PRODH2: variants seen among roughly 807,000 people sequenced by gnomAD.
The protein encoded by PRODH2 is proline dehydrogenase 2, also known as hydroxyproline dehydrogenase.
PRODH2 carries 49 observed loss-of-function variants against 51.9 expected under a neutral mutation model. That is an observed-to-expected ratio of 0.94 (90% CI 0.75 to 1.20). The LOEUF is 1.20. Ranked by LOEUF, PRODH2 falls within the 50% of genes most tolerant of loss-of-function variation. PRODH2 has a pLI of 0.00. For missense variants in PRODH2, 597 were observed against 610.9 expected, an observed-to-expected ratio of 0.98 and a Z score of 0.24; for synonymous variants, 249 against 260.7, an observed-to-expected ratio of 0.96 and a Z score of 0.43.
intron 7 of PRODH2, among the ~76,000 whole-genome samples, chr19:35,804,921 G>A (rs1236853847): frequency 6.6e-6 from 1 of 152,202 alleles, no homozygotes; most frequent in Non-Finnish European, 1.5e-5. Context: ...GGGCGACAGA[G>A]TGAGACCCTG....
intron 4 of PRODH2, among the ~76,000 whole-genome samples, chr19:35,811,290 C>A (rs1380101456): frequency 6.6e-6 from 1 of 151,596 alleles, no homozygotes; most frequent in Non-Finnish European, 1.5e-5. Flanking sequence ...TGGTGGCTCA[C>A]ACCTATAATC....
intron 7 of PRODH2, among the ~76,000 whole-genome samples, chr19:35,805,680 G>A (rs937368771): frequency 6.6e-5 from 10 of 152,228 alleles, no homozygotes; most frequent in African/African-American, 1.9e-4. Flanking sequence ...AAGTAGTTGG[G>A]ATGACAGGTG....
At chr19:35,801,829 C>T in intron 9 of PRODH2, 1 of 250,718 alleles carries the variant, frequency 4.0e-6, no homozygotes, top group Non-Finnish European at 7.9e-6. Context: ...TATGTATTTG[C>T]AGCTCAAATT....
At position 35,800,076 on chromosome 19, in the gene PRODH2, G is replaced by A. The variant is rs376496955; in HGVS notation, c.1345C>T (p.Arg449Trp). The A allele has an allele frequency of 2.8e-5, 45 of 1,612,016 alleles. No homozygotes were observed. The highest frequency in any genetic ancestry group is 6.7e-5 in the East Asian group (3 of 44,862). The part of the protein sequence containing the change: ...EQELLSQELW[R>W]RLLPGCRRIP... The stretch of plus-strand genomic sequence containing the variant: ...CTTCGGCATCCTGGCAGCAGCCGCC[G>A]CCACAGTTCTTGGCTGAGCAGCTCC... Residue 449 changes from arginine to tryptophan, a missense_variant, in exon 10 of 10, where the codon CGG (arginine) becomes TGG (tryptophan). Coordinates refer to ENST00000653904, the MANE Select transcript of PRODH2 (RefSeq NM_021232.2).
chr19:35,804,773 C>CA (rs1555755357), intron 7 of PRODH2, among the ~76,000 whole-genome samples: 1 of 151,996 alleles, frequency 6.6e-6, no homozygotes, highest in African/African-American at 2.4e-5. Context: ...CCCGTGTCTA[C>CA]AAAAATAAAA....
At chr19:35,800,703 T>C (rs930631326) in intron 9 of PRODH2, among the ~76,000 whole-genome samples, 5 of 150,606 alleles carry the variant, frequency 3.3e-5, no homozygotes, top group African/African-American at 9.8e-5. Flanking sequence ...ACTTTTTTTT[T>C]TCTCTCTTAG....
intron 6 of PRODH2, 33 bp downstream of exon 6, chr19:35,806,642 C>T (rs1972516312): frequency 6.2e-7 from 1 of 1,613,852 alleles, no homozygotes; most frequent in Non-Finnish European, 8.5e-7. Flanking sequence ...GTGTGGGGAC[C>T]CCAGCCTGTA....
At chr19:35,805,290 G>A (rs1972494391) in intron 7 of PRODH2, among the ~76,000 whole-genome samples, 2 of 152,016 alleles carry the variant, frequency 1.3e-5, no homozygotes, top group East Asian at 3.9e-4. Context: ...ATTTTGAGAT[G>A]GAGTCTCACT....
chr19:35,809,566 G>A (rs1177521129), intron 4 of PRODH2, among the ~76,000 whole-genome samples: 2 of 152,004 alleles, frequency 1.3e-5, no homozygotes, highest in Admixed American at 6.6e-5. Flanking sequence ...CTCCCTACAG[G>A]AATAAACTAA....
rs1972482917 is a variant in PRODH2 at position 35,804,653 on chromosome 19, G to C, written c.1002-1575C>G. On this transcript the variant is annotated intron_variant, in intron 7 of 9. Coordinates refer to ENST00000653904, the MANE Select transcript of PRODH2 (RefSeq NM_021232.2). ...TAGTCTGCCTTTAAAATGCACAGTT[G>C]TGGCTGGACATGCTGGCTTACGCCT... Among the ~76,000 whole-genome samples, 6 of 152,336 alleles carry C rather than the reference G, an allele frequency of 3.9e-5. 1 individual carries two copies. In the South Asian group the frequency reaches 1.2e-3, roughly 32 times the overall value.
intron 4 of PRODH2, among the ~76,000 whole-genome samples, chr19:35,811,457 A>AGGG (rs1599824707): frequency 4.4e-4 from 41 of 93,200 alleles, no homozygotes; most frequent in South Asian, 8.3e-4. Flanking sequence ...GGAAGGAAGG[A>AGGG]AGGGAGGGAG....
intron 4 of PRODH2, among the ~76,000 whole-genome samples, chr19:35,810,042 C>T (rs1276782678): frequency 2.2e-5 from 3 of 133,586 alleles, no homozygotes; most frequent in South Asian, 2.5e-4. Flanking sequence ...CTGAGGCGGG[C>T]GTTTCACCTG....
rs773546169 is a variant in PRODH2 at position 35,800,054 on chromosome 19, C to T, written c.1367G>A (p.Arg456Gln). The change falls in exon 10 of 10, where the codon CGA becomes CAA. Residue 456 changes from arginine to glutamine, a missense_variant. Transcript: ENST00000653904. ...TCAGGGGTGCTAGTGGGGTATCCTT[C>T]GGCATCCTGGCAGCAGCCGCCGCCA... ...ELWRRLLPGC[R>Q]RIPH is the part of the protein sequence containing the mutation. The T allele has an allele frequency of 4.3e-6, 7 of 1,611,014 alleles. No homozygotes were observed. Among genetic ancestry groups the T allele is most frequent in the South Asian group, 2.2e-5 (2 of 90,576 alleles).
chr19:35,807,194 G>C, intron 4 of PRODH2, 73 bp from the exon 5 acceptor site: 1 of 1,348,562 alleles, frequency 7.4e-7, no homozygotes, highest in South Asian at 1.3e-5. Context: ...ATATCAGTTA[G>C]GTACTATTTA....
chr19:35,806,077 T>G (rs968497231), intron 7 of PRODH2, among the ~76,000 whole-genome samples: 2 of 151,130 alleles, frequency 1.3e-5, no homozygotes, highest in African/African-American at 4.9e-5. Flanking sequence ...TTTGTTTTGT[T>G]TGTTTGTTTG....
At chr19:35,802,298 C>T (rs762431445) in intron 8 of PRODH2, 22 bp from the exon 9 acceptor site, 6 of 1,610,512 alleles carry the variant, frequency 3.7e-6, no homozygotes, top group Admixed American at 1.7e-5. Flanking sequence ...GCCACATCAT[C>T]AGTCCAGACT....
chr19:35,811,957 C>T lies in PRODH2; in HGVS notation c.597+5G>A, dbSNP rs763401020. The T allele has an allele frequency of 6.2e-7, 1 of 1,613,834 alleles. No homozygotes were observed. Among genetic ancestry groups the T allele is most frequent in the Non-Finnish European group, 8.5e-7 (1 of 1,179,752 alleles). ...GTCCCCGACAGTCCCGCTTGAGATCCTTACCTGCCCAGAGTCCATAGCTTC... is the reference window on the plus strand; with the variant it reads ...GTCCCCGACAGTCCCGCTTGAGATCTTTACCTGCCCAGAGTCCATAGCTTC... On this transcript the variant is annotated splice_donor_5th_base_variant and intron_variant, in intron 4 of 9. Transcript: ENST00000653904.
rs755453347 is a variant in PRODH2, at chr19:35,806,734, AG to A, written c.774del (p.Trp259GlyfsTer19). ...GGCCCGCCTTCACCCGGGCTGTTCC[AG>A]CGCACAGCCAGGGCAGCCACCAGCA... is the stretch of plus-strand genomic sequence containing the variant. ...LSLLVAALAV[R>X]WNSPGEGGPW... On this transcript the variant is annotated frameshift_variant, in exon 6 of 10. Coordinates refer to ENST00000653904, the MANE Select transcript of PRODH2 (RefSeq NM_021232.2). LOFTEE classifies it high-confidence loss of function. 6 of 1,613,904 alleles carry A rather than the reference AG, an allele frequency of 3.7e-6. No homozygotes were observed. Among genetic ancestry groups the A allele is most frequent in the African/African-American group, 1.3e-5 (1 of 75,058 alleles).
chr19:35,808,640 T>TC (rs201125996), intron 4 of PRODH2, among the ~76,000 whole-genome samples: 1 of 151,762 alleles, frequency 6.6e-6, no homozygotes, highest in Non-Finnish European at 1.5e-5. Flanking sequence ...ACTGTTATTA[T>TC]CCCCCCATTT....
Sources: allele counts gnomAD v4.1 joint callset (sites outside exome capture counted in the v4.1 genomes callset), GRCh38; gene constraint gnomAD v4.1.1; transcripts MANE v1.5; gene names NCBI Gene and HGNC (gene_info 2026-07-23, HGNC 2026-07-21).